Variants in GABRG3 observed in about 807,000 individuals in gnomAD.
GABRG3 encodes the protein gamma-aminobutyric acid type A receptor subunit gamma3, also known as gamma-aminobutyric acid receptor subunit gamma-3.
In GABRG3, 25 loss-of-function variants were observed where a neutral mutation model predicts 48.8. That is an observed-to-expected ratio of 0.51 (90% CI 0.37 to 0.72). The LOEUF (loss-of-function observed/expected upper bound fraction) is 0.72. Ranked by LOEUF, GABRG3 falls within the 30% of genes least tolerant of loss-of-function variation. The probability of loss-of-function intolerance (pLI) is 0.00; values close to 1 mark genes in which losing one functional copy is unlikely to be tolerated. For synonymous variants in GABRG3, 227 were observed against 217.6 expected, an observed-to-expected ratio of 1.04 and a Z score of -0.38; for missense variants, 394 against 577.9, an observed-to-expected ratio of 0.68 and a Z score of 3.26.
intron 3 of GABRG3, among the ~76,000 whole-genome samples, chr15:27,241,683 T>C (rs1890132155): frequency 6.6e-6 from 1 of 152,264 alleles, no homozygotes; most frequent in Non-Finnish European, 1.5e-5. Flanking sequence ...CATCAGCCGC[T>C]ATTCTAGTGC....
At chr15:27,326,379 A>T (rs956374732) in intron 3 of GABRG3, among the ~76,000 whole-genome samples, 4 of 152,230 alleles carry the variant, frequency 2.6e-5, no homozygotes, top group Non-Finnish European at 5.9e-5. Context: ...AAGGGTGCTC[A>T]TTTAATCACT....
intron 3 of GABRG3, among the ~76,000 whole-genome samples, chr15:27,311,641 GAA>G (rs919640224): frequency 5.4e-5 from 8 of 147,266 alleles, no homozygotes; most frequent in Non-Finnish European, 1.2e-4. Context: ...TGGGGATAGG[GAA>G]AAAAAAAACA....
chr15:27,311,871 C>G (rs1335728045), intron 3 of GABRG3, among the ~76,000 whole-genome samples: 1 of 151,990 alleles, frequency 6.6e-6, no homozygotes, highest in Non-Finnish European at 1.5e-5. Flanking sequence ...TGAGACTAGT[C>G]TGTGAATATT....
At chr15:27,271,436 C>G (rs1358158652) in intron 3 of GABRG3, 1 of 398,376 alleles carries the variant, frequency 2.5e-6, no homozygotes, top group African/African-American at 2.1e-5. Context: ...CCAGGTGCTG[C>G]AGATGAATGA....
chr15:27,350,166 G>A (rs773573435), intron 5 of GABRG3: 26 of 455,666 alleles, frequency 5.7e-5, no homozygotes, highest in Non-Finnish European at 8.8e-5. Context: ...CATGCATATC[G>A]CTGACGTTTA....
chr15:27,514,141 G>T (rs902187708), intron 6 of GABRG3, among the ~76,000 whole-genome samples: 1 of 152,190 alleles, frequency 6.6e-6, no homozygotes, highest in Admixed American at 6.5e-5. Context: ...GACCGAAGAA[G>T]AGCCAAGGCA....
At chr15:27,470,244 C>CT (rs535233140) in intron 5 of GABRG3, among the ~76,000 whole-genome samples, 6,749 of 146,346 alleles carry the variant, frequency 0.046, 234 homozygotes, top group East Asian at 0.16. Flanking sequence ...CTTTCTCTCT[C>CT]TTTTTTTTTT....
At chr15:27,401,332 T>A (rs2140587202) in intron 5 of GABRG3, among the ~76,000 whole-genome samples, 2 of 152,290 alleles carry the variant, frequency 1.3e-5, no homozygotes, top group Non-Finnish European at 2.9e-5. Flanking sequence ...TTTATTCCTT[T>A]AAAAACCAGG....
At chr15:27,353,682 G>T (rs1407108323) in intron 5 of GABRG3, among the ~76,000 whole-genome samples, 3 of 152,008 alleles carry the variant, frequency 2.0e-5, no homozygotes, top group African/African-American at 7.2e-5. Context: ...GACCTTAAGT[G>T]ATCCACCCAC....
chr15:27,340,859 A>G (rs982197519), intron 5 of GABRG3: 2 of 306,186 alleles, frequency 6.5e-6, no homozygotes, highest in African/African-American at 4.3e-5. Context: ...CTAAGAAGAA[A>G]AAAGTCCTAT....
intron 3 of GABRG3, among the ~76,000 whole-genome samples, chr15:27,304,553 C>A (rs76057984): frequency 0.027 from 4,037 of 151,976 alleles, 176 homozygotes; most frequent in African/African-American, 0.089. Context: ...AGAGAGAATT[C>A]ATTCCTAGGC....
At chr15:27,121,535 A>T (rs1307560773) in intron 3 of GABRG3, among the ~76,000 whole-genome samples, 6 of 152,232 alleles carry the variant, frequency 3.9e-5, no homozygotes, top group Non-Finnish European at 8.8e-5. Flanking sequence ...ACTAACAGTG[A>T]CTGTGTAGAG....
At chr15:27,311,257 AAGTC>A (rs34160284) in intron 3 of GABRG3, among the ~76,000 whole-genome samples, 4,018 of 152,200 alleles carry the variant, frequency 0.026, 137 homozygotes, top group East Asian at 0.087. Context: ...ACCCACATCA[AAGTC>A]AGTAGGGAAA....
chr15:27,307,018 TTATA>T lies in GABRG3; in HGVS notation c.271-19786_271-19783del, dbSNP rs1221202980. ...TATATATAAACATGTATAAACATGT[TTATA>T]TATAAACATGTATAAAATAAACATG... On this transcript the variant is annotated intron_variant, in intron 3 of 9. Coordinates refer to ENST00000615808, the MANE Select transcript of GABRG3 (RefSeq NM_033223.5). Among the ~76,000 whole-genome samples, 473 of 118,502 alleles carry T rather than the reference TTATA, an allele frequency of 4.0e-3. 68 individuals carry two copies. The highest frequency in any genetic ancestry group is 0.017 in the African/African-American group (450 of 26,950). 77.7% of individuals were successfully genotyped at this position (118,502 alleles called of 152,430 possible). A position where few individuals can be genotyped will look rare whatever the true frequency, so the allele number is the denominator to read the frequency against.
intron 5 of GABRG3, among the ~76,000 whole-genome samples, chr15:27,463,150 T>C (rs924472513): frequency 1.3e-5 from 2 of 152,196 alleles, no homozygotes; most frequent in Non-Finnish European, 2.9e-5. Context: ...GTTTAACAGA[T>C]TTTATTTGAA....
chr15:27,032,418 G>C (rs988249522), intron 3 of GABRG3, among the ~76,000 whole-genome samples: 26 of 152,230 alleles, frequency 1.7e-4, no homozygotes, highest in African/African-American at 6.3e-4. Context: ...TCTGAGACTG[G>C]GTAATTTATA....
In GABRG3 at chr15:27,003,975, G is replaced by A. The variant is rs1265364120; in HGVS notation, c.203-22779G>A. On this transcript the variant is annotated intron_variant, in intron 2 of 9. Transcript: ENST00000615808. ...TCCTGGACGGGGCGGCTGGCCGGGCGGGGGGCTGACCCCCCACCTCCCTCC... is the reference window on the plus strand; with the variant it reads ...TCCTGGACGGGGCGGCTGGCCGGGCAGGGGGCTGACCCCCCACCTCCCTCC... Among the ~76,000 whole-genome samples, 7 of 149,504 alleles carry A rather than the reference G, an allele frequency of 4.7e-5. No homozygotes were observed. The East Asian group carries it at 6.2e-4, about 13-fold the overall frequency.
chr15:27,001,696 A>G (rs891798), intron 2 of GABRG3, among the ~76,000 whole-genome samples: 3 of 152,178 alleles, frequency 2.0e-5, no homozygotes, highest in Admixed American at 6.5e-5. Context: ...TGTGCTCACC[A>G]CTGTTATGTT....
intron 6 of GABRG3, among the ~76,000 whole-genome samples, chr15:27,512,005 G>A (rs182436513): frequency 6.6e-6 from 1 of 152,314 alleles, no homozygotes; most frequent in Non-Finnish European, 1.5e-5. Flanking sequence ...TGGGGCAAGA[G>A]CTGTTTCCTT....
Sources: allele counts gnomAD v4.1 joint callset (sites outside exome capture counted in the v4.1 genomes callset), GRCh38; gene constraint gnomAD v4.1.1; transcripts MANE v1.5; gene names NCBI Gene and HGNC (gene_info 2026-07-23, HGNC 2026-07-21).